The following RBFOX1 variants were observed in gnomAD, a reference collection of about 807,000 sequenced individuals.
The protein encoded by RBFOX1 is RNA binding fox-1 homolog 1.
Under a neutral mutation model 57.7 loss-of-function variants are expected in RBFOX1, and 8 were observed. The ratio of observed to expected loss-of-function variants is 0.14; its 90% confidence interval spans 0.08 to 0.25. The LOEUF (loss-of-function observed/expected upper bound fraction) is 0.25. RBFOX1 is among the 10% of genes least tolerant of loss of function. The pLI is 1.00. For synonymous variants in RBFOX1, 326 were observed against 222.4 expected (o/e 1.47, Z -4.15); for missense variants, 611 against 548.5 (o/e 1.11, Z -1.14).
chr16:5,806,445 G>T (rs553749084), intron 3 of RBFOX1, among the ~76,000 whole-genome samples: 1 of 152,274 alleles, frequency 6.6e-6, no homozygotes, highest in African/African-American at 2.4e-5. Context: ...AAAGCTAGTT[G>T]CCTCCAGCCC....
chr16:5,410,926 T>C (rs2067004538), intron 1 of RBFOX1, among the ~76,000 whole-genome samples: 2 of 152,254 alleles, frequency 1.3e-5, no homozygotes, highest in Admixed American at 6.5e-5. Flanking sequence ...TTGATTGTTT[T>C]CATCTCTAAC....
intron 4 of RBFOX1, among the ~76,000 whole-genome samples, chr16:7,332,546 A>T (rs929255232): frequency 2.6e-5 from 4 of 152,066 alleles, no homozygotes; most frequent in African/African-American, 9.7e-5. Flanking sequence ...TACATTTCTC[A>T]GTTTATTTTT....
At chr16:7,037,240 T>C (rs957559594) in intron 3 of RBFOX1, among the ~76,000 whole-genome samples, 2 of 142,456 alleles carry the variant, frequency 1.4e-5, no homozygotes, top group African/African-American at 2.6e-5. Flanking sequence ...TTTTTTTTTT[T>C]TTTTTTTTTT....
chr16:6,352,513 T>C (rs1311468555), intron 2 of RBFOX1, among the ~76,000 whole-genome samples: 1 of 152,182 alleles, frequency 6.6e-6, no homozygotes, highest in Admixed American at 6.5e-5. Context: ...AGTTTTTGTT[T>C]TGTTTTTGTA....
chr16:7,282,026 T>C (rs529525667), intron 4 of RBFOX1, among the ~76,000 whole-genome samples: 9 of 147,434 alleles, frequency 6.1e-5, no homozygotes, highest in African/African-American at 2.1e-4. Context: ...CCATCACGCC[T>C]GGCAATTTTT....
At chr16:6,351,344 GTGTGTGTGTATATATA>G (rs1394312631) in intron 2 of RBFOX1, among the ~76,000 whole-genome samples, 3 of 103,100 alleles carry the variant, frequency 2.9e-5, no homozygotes, top group African/African-American at 1.7e-4. Context: ...GTGTGTGTGT[GTGTGTGTGTATATATA>G]TATATATATA....
intron 3 of RBFOX1, among the ~76,000 whole-genome samples, chr16:6,696,914 A>C (rs1218000509): frequency 6.6e-6 from 1 of 152,202 alleles, no homozygotes; most frequent in Non-Finnish European, 1.5e-5. Context: ...CTGTCTTGCA[A>C]AACCCCCAAT....
At chr16:7,308,205 A>C (rs1555692510) in intron 4 of RBFOX1, among the ~76,000 whole-genome samples, 3 of 152,044 alleles carry the variant, frequency 2.0e-5, no homozygotes, top group African/African-American at 4.8e-5. Context: ...TATAGCACCC[A>C]TCTCATGGTA....
intron 3 of RBFOX1, among the ~76,000 whole-genome samples, chr16:6,766,710 G>GC (rs1223711695): frequency 6.6e-6 from 1 of 151,914 alleles, no homozygotes; most frequent in Non-Finnish European, 1.5e-5. Context: ...CAACTCTAGA[G>GC]CCTCTTCTGA....
chr16:5,794,582 G>C (rs2054813778), intron 3 of RBFOX1, among the ~76,000 whole-genome samples: 1 of 152,174 alleles, frequency 6.6e-6, no homozygotes, highest in Non-Finnish European at 1.5e-5. Flanking sequence ...CTGTCGGGCA[G>C]GTCAGATGTT....
intron 3 of RBFOX1, among the ~76,000 whole-genome samples, chr16:6,655,475 A>T (rs1289889067): frequency 6.7e-6 from 1 of 149,450 alleles, no homozygotes; most frequent in Non-Finnish European, 1.5e-5. Flanking sequence ...TCTGAGATTA[A>T]GGGGGTAGGG....
At chr16:5,734,523 C>A (rs937929374) in intron 3 of RBFOX1, among the ~76,000 whole-genome samples, 72 of 152,192 alleles carry the variant, frequency 4.7e-4, no homozygotes, top group African/African-American at 1.6e-3. Context: ...TGGAGTGTTG[C>A]CATTGCCAAA....
At chr16:5,936,465 A>T (rs2059170926) in intron 4 of RBFOX1, among the ~76,000 whole-genome samples, 1 of 152,156 alleles carries the variant, frequency 6.6e-6, no homozygotes, top group African/African-American at 2.4e-5. Context: ...AAGGCAGGAC[A>T]GTGAGACTGG....
intron 1 of RBFOX1, among the ~76,000 whole-genome samples, chr16:5,335,297 AG>A (rs1355665458): frequency 6.6e-6 from 1 of 152,184 alleles, no homozygotes; most frequent in African/African-American, 2.4e-5. Context: ...GTTTATTGAA[AG>A]GGTTGGATGG....
At chr16:6,895,637 C>T (rs1035177321) in intron 3 of RBFOX1, among the ~76,000 whole-genome samples, 2 of 151,074 alleles carry the variant, frequency 1.3e-5, no homozygotes, top group Non-Finnish European at 1.5e-5. Flanking sequence ...GTCATAGATC[C>T]TTGACAATGC....
Position 7,518,346 on chromosome 16 carries a change from G to A in RBFOX1, c.227G>A (p.Ser76Asn), listed in dbSNP as rs1281297378. The change falls in exon 5 of 16, where the codon AGC becomes AAC. Residue 76 changes from serine (S) to asparagine (N), a missense_variant. Ser to Asn is a conservative substitution (Grantham distance 46, BLOSUM62 1). Transcript: ENST00000550418. ...YPPAQTHSEQ[S>N]PADTSAQTVS... ...CCCGCCCAGACGCACTCCGAGCAGA[G>A]CCCGGCGGACACGAGCGCTCAGACC... 3.1e-6 allele frequency: 5 copies of A among 1,613,530 alleles called. No homozygotes were observed. The South Asian group carries it at 3.3e-5, about 11-fold the overall frequency.
intron 2 of RBFOX1, among the ~76,000 whole-genome samples, chr16:6,369,886 A>C (rs963641465): frequency 6.6e-6 from 1 of 152,202 alleles, no homozygotes; most frequent in African/African-American, 2.4e-5. Flanking sequence ...GGTCTCATCC[A>C]CAGTTTGTTT....
intron 3 of RBFOX1, among the ~76,000 whole-genome samples, chr16:5,693,477 C>CT (rs1002349335): frequency 9.3e-5 from 14 of 150,866 alleles, no homozygotes; most frequent in Admixed American, 2.6e-4. Flanking sequence ...TTTGCCTGTT[C>CT]TTTTTTTTTC....
At chr16:7,502,893 G>T (rs4786174) in intron 4 of RBFOX1, among the ~76,000 whole-genome samples, 15,133 of 152,068 alleles carry the variant, frequency 0.1, 1,009 homozygotes, top group African/African-American at 0.18. Flanking sequence ...TGTGGTGGCA[G>T]GTGCCTGTAA....
Sources: allele counts gnomAD v4.1 joint callset (sites outside exome capture counted in the v4.1 genomes callset), GRCh38; gene constraint gnomAD v4.1.1; transcripts MANE v1.5; gene names NCBI Gene and HGNC (gene_info 2026-07-23, HGNC 2026-07-21).